The following SPTB variants were observed in gnomAD, a reference collection of about 807,000 sequenced individuals.
The protein encoded by SPTB is spectrin beta chain, erythrocytic.
A neutral mutation model predicts 256.2 loss-of-function variants in SPTB; 45 were observed. That is an observed-to-expected ratio of 0.18 (90% CI 0.14 to 0.23). The LOEUF is 0.23. Ranked by LOEUF, SPTB falls within the 10% of genes least tolerant of loss-of-function variation. The probability of loss-of-function intolerance (pLI) is 1.00; values close to 1 mark genes in which losing one functional copy is unlikely to be tolerated. For missense variants in SPTB, 2,715 were observed against 3,040.4 expected (o/e 0.89, Z 2.52); for synonymous variants, 1,231 against 1,243.1 (o/e 0.99, Z 0.21).
In SPTB at chr14:64,766,794, C is replaced by T. The variant is rs1328912901; in HGVS notation, c.6277G>A (p.Glu2093Lys). Reference protein sequence around the residue: ...ERPAEETGPQEEEGETAGEAP... With the variant: ...ERPAEETGPQKEEGETAGEAP... ...TCCCCTGCTGTCTCGCCTTCCTCCT[C>T]TTGAGGCCTAAGGAAGACACAGTCT... Residue 2093 changes from glutamate to lysine, a missense_variant, in exon 32 of 36, where the codon GAG (glutamate) becomes AAG (lysine). Transcript: ENST00000644917. 1 of 1,611,706 alleles carries T rather than the reference C, an allele frequency of 6.2e-7. No homozygotes were observed. The highest frequency in any genetic ancestry group is 1.7e-5 in the Admixed American group (1 of 60,004).
intron 30 of SPTB, 107 bp downstream of exon 30, chr14:64,767,556 T>C: frequency 6.7e-7 from 1 of 1,486,820 alleles, no homozygotes; most frequent in Non-Finnish European, 9.3e-7. Context: ...TGGCCAAGCC[T>C]GTCACACCAT....
At chr14:64,868,701 G>C (rs1465742399) in intron 1 of SPTB, among the ~76,000 whole-genome samples, 5 of 152,240 alleles carry the variant, frequency 3.3e-5, no homozygotes, top group African/African-American at 1.2e-4. Flanking sequence ...GGTTCAATGG[G>C]AGACTGGTCA....
At chr14:64,862,127 G>A (rs1881880101) in intron 1 of SPTB, among the ~76,000 whole-genome samples, 2 of 152,170 alleles carry the variant, frequency 1.3e-5, no homozygotes. Flanking sequence ...CGCTGCAGCT[G>A]CTTCCCACTT....
chr14:64,766,227 ATG>A (rs1210006713), intron 32 of SPTB, among the ~76,000 whole-genome samples: 1 of 134,072 alleles, frequency 7.5e-6, no homozygotes, highest in Non-Finnish European at 1.6e-5. Context: ...GTCTGTATAT[ATG>A]GGGGTGTGTG....
intron 1 of SPTB, among the ~76,000 whole-genome samples, chr14:64,859,950 G>T (rs1206936832): frequency 2.0e-5 from 3 of 152,112 alleles, no homozygotes; most frequent in Admixed American, 2.0e-4. Context: ...TGAATAAAAA[G>T]TTAAATCTCC....
At chr14:64,872,939 C>T (rs555431599) in intron 1 of SPTB, among the ~76,000 whole-genome samples, 7 of 152,312 alleles carry the variant, frequency 4.6e-5, no homozygotes, top group African/African-American at 1.4e-4. Context: ...CCATGCTGAA[C>T]TGTGATTCAA....
chr14:64,799,472 A>G (rs191444822), intron 9 of SPTB, among the ~76,000 whole-genome samples: 24 of 152,342 alleles, frequency 1.6e-4, no homozygotes, highest in African/African-American at 5.3e-4. Context: ...TCAGAAGCCT[A>G]TGATTTCCCT....
chr14:64,859,050 G>A (rs1277862233), intron 1 of SPTB, among the ~76,000 whole-genome samples: 1 of 152,106 alleles, frequency 6.6e-6, no homozygotes, highest in Non-Finnish European at 1.5e-5. Flanking sequence ...CTTGAGGTCA[G>A]GAGTTCAAAA....
rs2083602001 is a variant in SPTB, at chr14:64,841,243, G to A, written c.-51-18098C>T. On this transcript the variant is annotated intron_variant, in intron 1 of 35. Transcript: ENST00000644917. This position sits in a 1 kb window ranked among gnomAD's most constrained non-coding sequence, Gnocchi z 4.6. The stretch of plus-strand genomic sequence containing the variant: ...GTGACTTGCCCCAGTACATCAGCCT[G>A]TAAATGACAGAGCCAGGATTCAAAC... Among the ~76,000 whole-genome samples the A allele has an allele frequency of 6.6e-6, 1 of 152,132 alleles. No homozygotes were observed. The highest frequency in any genetic ancestry group is 2.1e-4 in the South Asian group (1 of 4,828).
rs534430203 is a variant in SPTB at position 64,781,980 on chromosome 14, C to T, written c.4266+310G>A. Reference sequence around the variant, plus strand: ...GATGCAGAAACAGAAAACCAAATACCACATGTTCTCACTTATAAGTGGGAG... The same window carrying T: ...GATGCAGAAACAGAAAACCAAATACTACATGTTCTCACTTATAAGTGGGAG... On this transcript the variant is annotated intron_variant, in intron 20 of 35. Transcript: ENST00000644917. Among the ~76,000 whole-genome samples, 45 of 152,224 alleles carry T rather than the reference C, an allele frequency of 3.0e-4. No individual in the cohort carries two copies. In the South Asian group the frequency reaches 9.1e-3, roughly 31 times the overall value.
intron 1 of SPTB, among the ~76,000 whole-genome samples, chr14:64,875,865 C>T (rs182778092): frequency 4.3e-4 from 65 of 152,308 alleles, no homozygotes; most frequent in African/African-American, 1.5e-3. Context: ...TCTTGATCTT[C>T]CCAAGTTCAT....
In SPTB at chr14:64,770,087, G is replaced by T. The variant is rs536404934; in HGVS notation, c.5799-359C>A. Among the ~76,000 whole-genome samples, 8 of 152,290 alleles carry T rather than the reference G, an allele frequency of 5.3e-5. No individual in the cohort carries two copies. The South Asian group carries it at 1.7e-3, about 32-fold the overall frequency. Reference sequence around the variant, plus strand: ...AGCCAGTCACAAAAGACCACATATTGTATGATTCCATTTATATGAAATGTC... The same window carrying T: ...AGCCAGTCACAAAAGACCACATATTTTATGATTCCATTTATATGAAATGTC... On this transcript the variant is annotated intron_variant, in intron 27 of 35. Transcript: ENST00000644917.
rs778420646 is a variant in SPTB, at chr14:64,753,790, C to T, written c.6349G>A (p.Glu2117Lys). 9 of 1,612,938 alleles carry T rather than the reference C, an allele frequency of 5.6e-6. No individual in the cohort carries two copies. Among genetic ancestry groups the T allele is most frequent in the South Asian group, 1.1e-5 (1 of 91,066 alleles). Residue 2117 changes from glutamate to lysine, a missense_variant, in exon 33 of 36, where the codon GAA (glutamate) becomes AAA (lysine). Glu to Lys is a moderately conservative substitution (Grantham distance 56). This residue lies in a region of SPTB where 2,239 missense variants were observed against 2,384.4 expected (regional missense o/e 0.94). Transcript: ENST00000644917. The stretch of plus-strand genomic sequence containing the variant: ...TTCTGAGGCCACGTTCCCTCTTCTT[C>T]CCCCTGCTCAGGGCATAGGGAGGAG... Reference protein sequence around the residue: ...HAATERTSPGEEEGTWPQNLQ... With the variant: ...HAATERTSPGKEEGTWPQNLQ...
chr14:64,770,970 T>C lies in SPTB; in HGVS notation c.5713A>G (p.Lys1905Glu), dbSNP rs2082270235. ...RRTQLVDTAD[K>E]FRFFSMARDL... ...CGGGCCATGCTGAAGAAGCGGAATT[T>C]ATCCGCCGTGTCCACTAGCTGGGTC... Residue 1905 changes from lysine to glutamate, a missense_variant, in exon 27 of 36, where the codon AAA becomes GAA. Physicochemically the swap from Lys to Glu is moderately conservative, Grantham distance 56. This residue lies in a region of SPTB where 2,239 missense variants were observed against 2,384.4 expected (regional missense o/e 0.94). Transcript: ENST00000644917. The C allele has an allele frequency of 6.2e-7, 1 of 1,614,002 alleles. No homozygotes were observed. Among genetic ancestry groups the C allele is most frequent in the Non-Finnish European group, 8.5e-7 (1 of 1,180,040 alleles).
chr14:64,823,205 G>T lies in SPTB; in HGVS notation c.-51-60C>A. On this transcript the variant is annotated intron_variant, in intron 1 of 35. Coordinates refer to ENST00000644917, the MANE Select transcript of SPTB (RefSeq NM_001355436.2). The surrounding 1 kb of genome is among the most constrained non-coding windows in gnomAD (Gnocchi z 6.5). ...TCTACCCCCTCGGACTTTTTCTCCG[G>T]GGAAACTTATTCGGAGCATCCAACG... 1 of 1,352,064 alleles carries T rather than the reference G, an allele frequency of 7.4e-7. No individual in the cohort carries two copies. Among genetic ancestry groups the T allele is most frequent in the Non-Finnish European group, 1.0e-6 (1 of 953,634 alleles). The allele number at this position is 1,352,064 out of a possible 1,614,324, so 83.8% of individuals were successfully genotyped here. A position where few individuals can be genotyped will look rare whatever the true frequency, so the allele number is the denominator to read the frequency against.
chr14:64,752,145 A>C, intron 33 of SPTB: 1 of 1,307,432 alleles, frequency 7.6e-7, no homozygotes, highest in Non-Finnish European at 1.0e-6. Context: ...GGCTCATGTC[A>C]ACTGGCATGT....
Position 64,765,075 on chromosome 14 carries a change from G to C in SPTB, c.6345+1651C>G, listed in dbSNP as rs1324202300. 9.2e-5 allele frequency among the ~76,000 whole-genome samples: 13 copies of C among 141,432 alleles called. No individual in the cohort carries two copies. In the South Asian group the frequency reaches 2.7e-3, roughly 30 times the overall value. 92.8% of individuals were successfully genotyped at this position (141,432 alleles called of 152,430 possible). A position where few individuals can be genotyped will look rare whatever the true frequency, so the allele number is the denominator to read the frequency against. ...GCGCGCGGGTGGTGGATGGGGGTGG[G>C]TGGGGAGGGCATCTGTCTCTCTCAG... On this transcript the variant is annotated intron_variant, in intron 32 of 35. Coordinates refer to ENST00000644917, the MANE Select transcript of SPTB (RefSeq NM_001355436.2).
At chr14:64,768,825 G>T (rs955130739) in intron 29 of SPTB, among the ~76,000 whole-genome samples, 4 of 152,202 alleles carry the variant, frequency 2.6e-5, no homozygotes, top group African/African-American at 9.6e-5. Context: ...ACGCTGGCTA[G>T]TTAGAGTGAG....
rs1340364117 is a variant in SPTB, at chr14:64,795,867, C to T, written c.1342-228G>A. 6.6e-6 allele frequency among the ~76,000 whole-genome samples: 1 copy of T among 152,180 alleles called. No homozygotes were observed. Among genetic ancestry groups the T allele is most frequent in the Non-Finnish European group, 1.5e-5 (1 of 68,028 alleles). ...GAAGTTCATGATTTTACTCCCCGTG[C>T]CACCCGCGTGGGAGATGCAGCCTGC... is the stretch of plus-strand genomic sequence containing the variant. On this transcript the variant is annotated intron_variant, in intron 11 of 35. Coordinates refer to ENST00000644917, the MANE Select transcript of SPTB (RefSeq NM_001355436.2). This position sits in a 1 kb window ranked among gnomAD's most constrained non-coding sequence, Gnocchi z 6.5.
Sources: gnomAD v4.1 joint callset for allele counts (sites outside exome capture counted in the v4.1 genomes callset) on GRCh38, gnomAD v4.1.1 for gene constraint, gnomAD v4.1.1 regional missense constraint, Gnocchi (gnomAD v3.1) non-coding constraint, MANE v1.5 for transcripts, NCBI Gene and HGNC (gene_info 2026-07-23, HGNC 2026-07-21) for gene names.